The following ADAMTS9 variants were observed in gnomAD, a reference collection of about 807,000 sequenced individuals.
The protein encoded by ADAMTS9 is A disintegrin and metalloproteinase with thrombospondin motifs 9.
ADAMTS9 carries 107 observed loss-of-function variants against 257.1 expected under a neutral mutation model. That is an observed-to-expected ratio of 0.42 (90% confidence interval 0.36 to 0.49). The LOEUF is 0.49. Ranked by LOEUF, ADAMTS9 falls within the 20% of genes least tolerant of loss-of-function variation. The pLI is 0.03. For synonymous variants in ADAMTS9, 982 were observed against 880.9 expected (o/e 1.11, Z -2.03); for missense variants, 2,353 against 2,469.1 (o/e 0.95, Z 1.00).
intron 30 of ADAMTS9, among the ~76,000 whole-genome samples, chr3:64,554,558 A>G (rs1378783141): frequency 6.6e-6 from 1 of 152,204 alleles, no homozygotes; most frequent in Non-Finnish European, 1.5e-5. Context: ...AATATGATCT[A>G]GAATGTTCTG....
chr3:64,541,036 T>C, intron 36 of ADAMTS9, 59 bp downstream of exon 36: 2 of 1,602,130 alleles, frequency 1.2e-6, no homozygotes, highest in Non-Finnish European at 1.7e-6. Context: ...CAAGACATGC[T>C]TGCTGTCTGA....
In ADAMTS9 at chr3:64,561,639, T is replaced by C; in HGVS notation, c.4637A>G (p.Glu1546Gly). The C allele has an allele frequency of 6.2e-7, 1 of 1,614,078 alleles. No homozygotes were observed. Among genetic ancestry groups the C allele is most frequent in the Non-Finnish European group, 8.5e-7 (1 of 1,179,990 alleles). ...ACACCGTGGGCCTTGGCAGTCGCGT[T>C]CCGACTCCGGTCTGGTGTATGGGTT... ...ECNPYTRPESERDCQGPRCPL... is the reference protein window; with the variant it reads ...ECNPYTRPESGRDCQGPRCPL... Residue 1546 changes from glutamate to glycine, a missense_variant, in exon 30 of 40, where the codon GAA becomes GGA. Glu to Gly is a moderately conservative substitution (Grantham distance 98). Around this residue, in one of 3 missense-constraint regions of ADAMTS9, gnomAD observed 1,402 missense variants for 1,441.4 expected, o/e 0.97. Coordinates refer to ENST00000498707, the MANE Select transcript of ADAMTS9 (RefSeq NM_182920.2).
chr3:64,683,302 C>T (rs181452791), intron 2 of ADAMTS9, among the ~76,000 whole-genome samples: 5 of 152,146 alleles, frequency 3.3e-5, no homozygotes, highest in African/African-American at 1.2e-4. Context: ...CCCAAATTCC[C>T]CTTCAATGGT....
intron 3 of ADAMTS9, among the ~76,000 whole-genome samples, chr3:64,680,516 GC>G (rs1484336185): frequency 6.6e-6 from 1 of 152,292 alleles, no homozygotes; most frequent in East Asian, 1.9e-4. Context: ...ACAGACAGAA[GC>G]TTTCCAGGGT....
At chr3:64,542,444 T>TTTTTC (rs2083137944) in intron 32 of ADAMTS9, among the ~76,000 whole-genome samples, 1 of 150,450 alleles carries the variant, frequency 6.6e-6, no homozygotes, top group Non-Finnish European at 1.5e-5. Context: ...TTTTTTTTTT[T>TTTTTC]GAGACAGAGT....
In ADAMTS9 at chr3:64,602,884, A is replaced by G. The variant is rs529572088; in HGVS notation, c.3748-671T>C. On this transcript the variant is annotated intron_variant, in intron 25 of 39. Coordinates refer to ENST00000498707, the MANE Select transcript of ADAMTS9 (RefSeq NM_182920.2). The stretch of plus-strand genomic sequence containing the variant: ...TCATCCATTGGAATAATCTCCATGA[A>G]GGTAGGGGCTTTATTATTCATTCTT... 8.7e-4 allele frequency among the ~76,000 whole-genome samples: 132 copies of G among 152,278 alleles called. 1 individual carries two copies. Among genetic ancestry groups the G allele is most frequent in the Admixed American group, 4.4e-3 (67 of 15,294 alleles).
intron 16 of ADAMTS9, among the ~76,000 whole-genome samples, 157 bp from the exon 17 acceptor site, chr3:64,622,743 C>T (rs957347662): frequency 6.6e-6 from 1 of 152,128 alleles, no homozygotes; most frequent in Non-Finnish European, 1.5e-5. Flanking sequence ...TTGCTACTTG[C>T]CAGCTGTGTG....
At chr3:64,607,217 A>G in intron 22 of ADAMTS9, 138 bp from the exon 23 acceptor site, 1 of 1,066,318 alleles carries the variant, frequency 9.4e-7, no homozygotes, top group Non-Finnish European at 1.4e-6. Context: ...ACTAGGTCGA[A>G]GTGGGCAATC....
intron 15 of ADAMTS9, 29 bp from the exon 16 acceptor site, chr3:64,631,579 CTCCACAGAATGGT>C (rs760611674): frequency 1.1e-5 from 17 of 1,555,176 alleles, no homozygotes; most frequent in Non-Finnish European, 1.3e-5. Context: ...AAATTCAGTA[CTCCACAGAATGGT>C]TCACTTTCTC....
intron 22 of ADAMTS9, 67 bp from the exon 23 acceptor site, chr3:64,607,146 A>G (rs1336198362): frequency 1.3e-6 from 2 of 1,583,714 alleles, no homozygotes; most frequent in African/African-American, 2.7e-5. Flanking sequence ...CTTTCCCCAT[A>G]ACATTCTGCA....
chr3:64,547,317 G>T (rs1024977889), intron 31 of ADAMTS9, among the ~76,000 whole-genome samples: 8 of 145,298 alleles, frequency 5.5e-5, no homozygotes, highest in African/African-American at 2.0e-4. Context: ...CTTTTCTAAA[G>T]CTATGATGAC....
intron 32 of ADAMTS9, among the ~76,000 whole-genome samples, chr3:64,546,281 A>G (rs1222709618): frequency 6.6e-6 from 1 of 151,864 alleles, no homozygotes; most frequent in African/African-American, 2.4e-5. Context: ...CAGTATTACT[A>G]GTTGGATATT....
At chr3:64,574,626 G>A (rs1306430120) in intron 28 of ADAMTS9, among the ~76,000 whole-genome samples, 1 of 151,248 alleles carries the variant, frequency 6.6e-6, no homozygotes, top group Non-Finnish European at 1.5e-5. Context: ...CCAACTGCTT[G>A]GGCAACTGAG....
intron 28 of ADAMTS9, chr3:64,582,986 G>A (rs2084043825): frequency 6.6e-6 from 1 of 152,150 alleles, no homozygotes; most frequent in Admixed American, 6.5e-5. Context: ...TCACTGATAT[G>A]GGAAGCTCTG....
intron 31 of ADAMTS9, among the ~76,000 whole-genome samples, chr3:64,549,361 C>T (rs2083241751): frequency 6.6e-6 from 1 of 152,112 alleles, no homozygotes; most frequent in African/African-American, 2.4e-5. Context: ...AAGTGCTACA[C>T]AAGAGATAAG....
intron 28 of ADAMTS9, among the ~76,000 whole-genome samples, chr3:64,579,492 T>G (rs770685633): frequency 1.3e-5 from 2 of 152,220 alleles, no homozygotes; most frequent in Non-Finnish European, 2.9e-5. Context: ...TAATATATAT[T>G]TGACTTTTTT....
Position 64,557,142 on chromosome 3 carries a change from G to A in ADAMTS9, c.4698+4436C>T, listed in dbSNP as rs190044914. ...TGAGAGGAAGTGACATCTAGGTTGA[G>A]GCCTGAAGGATAAGAAAGGGTGACT... On this transcript the variant is annotated intron_variant, in intron 30 of 39. Coordinates refer to ENST00000498707, the MANE Select transcript of ADAMTS9 (RefSeq NM_182920.2). Among the ~76,000 whole-genome samples the A allele has an allele frequency of 1.3e-4, 20 of 152,236 alleles. No individual in the cohort carries two copies. In the East Asian group the frequency reaches 3.5e-3, roughly 27 times the overall value.
chr3:64,576,080 C>T lies in ADAMTS9; in HGVS notation c.4357-7545G>A, dbSNP rs147744384. On this transcript the variant is annotated intron_variant, in intron 28 of 39. Transcript: ENST00000498707. ...AATCAATCCACAGAGCAGTTATATA[C>T]GTTGAAGATTCCTTCTGTAGTGCCC... Among the ~76,000 whole-genome samples the T allele has an allele frequency of 8.9e-4, 136 of 152,270 alleles. 1 individual carries two copies. The East Asian group carries it at 0.023, about 26-fold the overall frequency.
chr3:64,622,353 C>A (rs372762911), intron 17 of ADAMTS9, 26 bp from the exon 18 acceptor site: 87 of 1,612,694 alleles, frequency 5.4e-5, no homozygotes, highest in Middle Eastern at 1.6e-4. Context: ...AAAACAGAAA[C>A]GAACTGGGTG....
Sources: gnomAD v4.1 joint callset for allele counts (sites outside exome capture counted in the v4.1 genomes callset) on GRCh38, gnomAD v4.1.1 for gene constraint, gnomAD v4.1.1 regional missense constraint, MANE v1.5 for transcripts, NCBI Gene and HGNC (gene_info 2026-07-23, HGNC 2026-07-21) for gene names.